The following INO80 variants were observed in gnomAD, a reference collection of about 807,000 sequenced individuals.
INO80 encodes INO80 complex ATPase subunit.
A neutral mutation model predicts 203.4 loss-of-function variants in INO80; 20 were observed. That is an observed-to-expected ratio of 0.10 (90% CI 0.07 to 0.14). The LOEUF (loss-of-function observed/expected upper bound fraction) is 0.14. Among genes scored for constraint, INO80 ranks in the 10% least tolerant of loss-of-function variants. The probability of loss-of-function intolerance (pLI) is 1.00; values close to 1 mark genes in which losing one functional copy is unlikely to be tolerated. For missense variants in INO80, 1,419 were observed against 1,914.4 expected, an observed-to-expected ratio of 0.74 and a Z score of 4.83; for synonymous variants, 726 against 685.2, an observed-to-expected ratio of 1.06 and a Z score of -0.93.
In INO80 at chr15:41,082,313, C is replaced by G. The variant is rs572476289; in HGVS notation, c.874-1240G>C. 5.9e-5 allele frequency among the ~76,000 whole-genome samples: 9 copies of G among 151,628 alleles called. No individual in the cohort carries two copies. In the East Asian group the frequency reaches 1.8e-3, roughly 30 times the overall value. On this transcript the variant is annotated intron_variant, in intron 7 of 35. Coordinates refer to ENST00000648947, the MANE Select transcript of INO80 (RefSeq NM_017553.3). ...GCGCAGTGGCTTACACCTGCAACCC[C>G]GGCACTTTGGGAGGTTGAGGCAGGA...
chr15:41,102,853 T>C (rs555406503), intron 1 of INO80, among the ~76,000 whole-genome samples: 1 of 151,444 alleles, frequency 6.6e-6, no homozygotes, highest in Non-Finnish European at 1.5e-5. Flanking sequence ...GACTATTCCT[T>C]AACTCCTTGA....
Position 41,047,401 on chromosome 15 carries a change from C to T in INO80, c.2735+7G>A, listed in dbSNP as rs1175380979. On this transcript the variant is annotated splice_region_variant and intron_variant, in intron 23 of 35. Transcript: ENST00000648947. ...GCCTCTTATCAAGCAATAAGCAAAC[C>T]TCTCACCTGGCCAAAAGTCCCTGAA... 6.2e-7 allele frequency: 1 copy of T among 1,604,762 alleles called. No homozygotes were observed. Among genetic ancestry groups the T allele is most frequent in the Admixed American group, 1.7e-5 (1 of 59,754 alleles).
intron 12 of INO80, among the ~76,000 whole-genome samples, chr15:41,070,797 T>G (rs1011170005): frequency 6.6e-6 from 1 of 152,154 alleles, no homozygotes; most frequent in Admixed American, 6.5e-5. Flanking sequence ...ACAAAAGCAA[T>G]TAGATTTACC....
chr15:41,008,175 TAAAC>T (rs967172174), intron 27 of INO80, among the ~76,000 whole-genome samples: 10 of 149,886 alleles, frequency 6.7e-5, no homozygotes, highest in Admixed American at 2.0e-4. Flanking sequence ...TGTCTCAAAA[TAAAC>T]AAACAAAACA....
At chr15:41,068,771 G>A (rs1216118136) in intron 14 of INO80, among the ~76,000 whole-genome samples, 5 of 152,064 alleles carry the variant, frequency 3.3e-5, no homozygotes, top group Non-Finnish European at 5.9e-5. Context: ...GAGGCAGGAG[G>A]ATTGCTTGAA....
In INO80 at chr15:41,036,170, A is replaced by AC. The variant is rs1439105215; in HGVS notation, c.2908-8435_2908-8434insG. Among the ~76,000 whole-genome samples, 13 of 149,650 alleles carry AC rather than the reference A, an allele frequency of 8.7e-5. 1 individual carries two copies. In the South Asian group the frequency reaches 2.5e-3, roughly 29 times the overall value. ...AACTCTCTCTCGAAAAAAAAAAAAAAAAAAAAAAAAAAAAACCCAAAAAAA... is the reference window on the plus strand; with the variant it reads ...AACTCTCTCTCGAAAAAAAAAAAAAACAAAAAAAAAAAAAAACCCAAAAAAA... On this transcript the variant is annotated intron_variant, in intron 24 of 35. Transcript: ENST00000648947.
chr15:41,109,893 C>G (rs1207190825), intron 1 of INO80, among the ~76,000 whole-genome samples: 3 of 151,140 alleles, frequency 2.0e-5, no homozygotes, highest in Admixed American at 1.3e-4. Flanking sequence ...GATAGTACCA[C>G]TGCACTCCAG....
intron 18 of INO80, among the ~76,000 whole-genome samples, chr15:41,054,611 A>G (rs1428728903): frequency 6.6e-6 from 1 of 152,148 alleles, no homozygotes; most frequent in African/African-American, 2.4e-5. Flanking sequence ...GACCCATAGC[A>G]TTTGACCCAT....
intron 32 of INO80, 83 bp downstream of exon 32, chr15:40,985,255 T>C: frequency 2.2e-6 from 2 of 923,546 alleles, no homozygotes; most frequent in East Asian, 2.4e-5. Context: ...GTAACCAAGA[T>C]GAGAAGCCAT....
intron 27 of INO80, among the ~76,000 whole-genome samples, chr15:41,009,901 A>C (rs1226033560): frequency 6.6e-6 from 1 of 152,110 alleles, no homozygotes; most frequent in Non-Finnish European, 1.5e-5. Flanking sequence ...TGCCCGGCCA[A>C]ACATACCTGT....
chr15:41,081,219 T>C, intron 7 of INO80, 146 bp from the exon 8 acceptor site: 1 of 587,588 alleles, frequency 1.7e-6, no homozygotes, highest in Non-Finnish European at 3.0e-6. Flanking sequence ...CATCCAGATG[T>C]ATTGTCTCAA....
chr15:40,983,877 G>A lies in INO80; in HGVS notation c.4122C>T (p.Asp1374=), dbSNP rs775846922. 7 of 1,613,550 alleles carry A rather than the reference G, an allele frequency of 4.3e-6. No homozygotes were observed. The highest frequency in any genetic ancestry group is 4.5e-5 in the East Asian group (2 of 44,884). ...SELHTGSIPL[D]ESSSDMLVIV... is the part of the protein sequence containing the mutation. ...TGACCAGCATGTCACTGCTGCTCTC[G>A]TCCAGGGGAATGGAGCCAGTGTGCA... Residue 1374 remains aspartate (D), a synonymous_variant, in exon 34 of 36, where the codon GAC becomes GAT. Transcript: ENST00000648947.
At chr15:41,059,971 T>TA in intron 14 of INO80, 45 bp from the exon 15 acceptor site, 1 of 1,232,582 alleles carries the variant, frequency 8.1e-7, no homozygotes, top group Non-Finnish European at 1.2e-6. Flanking sequence ...TAGATGATCT[T>TA]AAAAGTATTA....
intron 19 of INO80, 21 bp downstream of exon 19, chr15:41,053,908 C>T: frequency 1.3e-6 from 2 of 1,590,726 alleles, no homozygotes; most frequent in East Asian, 2.2e-5. Flanking sequence ...GGCTTAAACA[C>T]ATGAGGTCTT....
At chr15:41,040,821 G>A (rs1022122196) in intron 24 of INO80, among the ~76,000 whole-genome samples, 2 of 151,280 alleles carry the variant, frequency 1.3e-5, no homozygotes, top group Non-Finnish European at 2.9e-5. Flanking sequence ...CACTGAAAAT[G>A]AGAAAGTTAC....
intron 26 of INO80, chr15:41,017,426 G>A (rs1312749572): frequency 2.0e-5 from 3 of 152,160 alleles, no homozygotes; most frequent in African/African-American, 7.2e-5. Flanking sequence ...AAAGAATGGA[G>A]ATATTATATA....
In INO80 at chr15:40,980,352, C is replaced by A; in HGVS notation, c.4542G>T (p.Leu1514Phe). The stretch of plus-strand genomic sequence containing the variant: ...TATTTCCCTTGCTCAAAGGGGAACT[C>A]AAAGGAGAAGAGGCGCTTGAAGGTC... ...DFGPSSASSP[L>F]SSPLSKGNNV... The change falls in exon 36 of 36, where the codon TTG (leucine) becomes TTT (phenylalanine). Residue 1514 changes from leucine (L) to phenylalanine (F), a missense_variant. Leu to Phe is a conservative substitution (Grantham distance 22, BLOSUM62 0). Transcript: ENST00000648947. The A allele has an allele frequency of 6.2e-7, 1 of 1,614,040 alleles. No individual in the cohort carries two copies. Among genetic ancestry groups the A allele is most frequent in the Non-Finnish European group, 8.5e-7 (1 of 1,180,008 alleles).
In INO80 at chr15:41,072,066, G is replaced by C; in HGVS notation, c.1396-8C>G. On this transcript the variant is annotated splice_region_variant and splice_polypyrimidine_tract_variant and intron_variant, in intron 11 of 35. Transcript: ENST00000648947. ...TTCATCAAATGACCTTGTCTGGAAAGTAAAAAAAAAAAAAATTAGAAAAAA... is the reference window on the plus strand; with the variant it reads ...TTCATCAAATGACCTTGTCTGGAAACTAAAAAAAAAAAAAATTAGAAAAAA... 2.3e-6 allele frequency: 2 copies of C among 887,856 alleles called. No homozygotes were observed. The highest frequency in any genetic ancestry group is 3.0e-6 in the Non-Finnish European group (2 of 667,608). The allele number at this position is 887,856 out of a possible 1,614,324, so 55.0% of individuals were successfully genotyped here. A position where few individuals can be genotyped will look rare whatever the true frequency, so the allele number is the denominator to read the frequency against.
Position 41,070,459 on chromosome 15 carries a change from C to T in INO80, c.1686+8G>A. 2 of 1,610,510 alleles carry T rather than the reference C, an allele frequency of 1.2e-6. No homozygotes were observed. Among genetic ancestry groups the T allele is most frequent in the Non-Finnish European group, 1.7e-6 (2 of 1,176,938 alleles). On this transcript the variant is annotated splice_region_variant and intron_variant, in intron 13 of 35. Transcript: ENST00000648947. ...AGAAATGAAGATAGAAAGATTGCAT[C>T]TACCCACCTCAGCCAGATGGGCCAG...
Sources: allele counts gnomAD v4.1 joint callset (sites outside exome capture counted in the v4.1 genomes callset), GRCh38; gene constraint gnomAD v4.1.1; transcripts MANE v1.5; gene names NCBI Gene and HGNC (gene_info 2026-07-23, HGNC 2026-07-21).